The following MRNIP variants were observed in gnomAD, a reference collection of about 807,000 sequenced individuals.
The protein encoded by MRNIP is MRN complex-interacting protein.
MRNIP carries 30 observed loss-of-function variants against 29.8 expected under a neutral mutation model. That is an observed-to-expected ratio of 1.01 (90% CI 0.75 to 1.36). MRNIP has a LOEUF of 1.36. MRNIP is among the 40% of genes most tolerant of loss of function. The pLI, the probability that MRNIP is intolerant of heterozygous loss-of-function variation, is 0.00. For missense variants in MRNIP, 459 were observed against 423.5 expected (o/e 1.08, Z -0.74); for synonymous variants, 201 against 164.1 (o/e 1.23, Z -1.72).
Position 179,858,783 on chromosome 5 carries a change from T to C in MRNIP, c.14A>G (p.Gln5Arg), listed in dbSNP as rs986704207. Residue 5 changes from glutamine to arginine, a missense_variant, in exon 1 of 7, where the codon CAG becomes CGG. Coordinates refer to ENST00000292586, the MANE Select transcript of MRNIP (RefSeq NM_016175.4). ...GCAGCAGCGTAGCACCCGAGAACGC[T>C]GAAGCGACGCCATCCCTGCTTGTGC... is the stretch of plus-strand genomic sequence containing the variant. MASLQRSRVLRCCSC... is the reference protein window; with the variant it reads MASLRRSRVLRCCSC... 4 of 1,540,688 alleles carry C rather than the reference T, an allele frequency of 2.6e-6. No individual in the cohort carries two copies. Among genetic ancestry groups the C allele is most frequent in the Non-Finnish European group, 3.5e-6 (4 of 1,143,874 alleles).
chr5:179,843,668 A>G (rs1759007389), intron 4 of MRNIP, among the ~76,000 whole-genome samples: 1 of 152,150 alleles, frequency 6.6e-6, no homozygotes, highest in African/African-American at 2.4e-5. Flanking sequence ...TCAGCCCAGG[A>G]AGTCAAGGCT....
At position 179,842,043 on chromosome 5, in the gene MRNIP, T is replaced by C. The variant is rs1184409093; in HGVS notation, c.313A>G (p.Ser105Gly). The change falls in exon 5 of 7, where the codon AGT (serine) becomes GGT (glycine). Residue 105 changes from serine (S) to glycine (G), a missense_variant. By Grantham distance (56) the Ser-to-Gly change is moderately conservative. Transcript: ENST00000292586. Reference protein sequence around the residue: ...KQQEKSQPSESRWLKYLEKDS... With the variant: ...KQQEKSQPSEGRWLKYLEKDS... ...TTTTCTAGATACTTCAGCCAGCGAC[T>C]CTCTGAGGGCTGCGATTTTTCCTGC... 4 of 1,613,974 alleles carry C rather than the reference T, an allele frequency of 2.5e-6. No individual in the cohort carries two copies. The highest frequency in any genetic ancestry group is 2.2e-5 in the East Asian group (1 of 44,876).
Position 179,847,960 on chromosome 5 carries a change from C to A in MRNIP, c.215+18G>T. 1 of 1,563,898 alleles carries A rather than the reference C, an allele frequency of 6.4e-7. No homozygotes were observed. Among genetic ancestry groups the A allele is most frequent in the South Asian group, 1.1e-5 (1 of 89,448 alleles). ...GAAAACAGGGCAAGACAACCACGCT[C>A]TTCTCAAACAACTGTACCTGAGTGG... On this transcript the variant is annotated intron_variant, in intron 3 of 6. Coordinates refer to ENST00000292586, the MANE Select transcript of MRNIP (RefSeq NM_016175.4).
Position 179,842,050 on chromosome 5 carries a change from G to A in MRNIP, c.306C>T (p.Pro102=), listed in dbSNP as rs541650837. ...GNVKQQEKSQ[P]SESRWLKYLE... ...GATACTTCAGCCAGCGACTCTCTGA[G>A]GGCTGCGATTTTTCCTGCCAGATTG... is the stretch of plus-strand genomic sequence containing the variant. Residue 102 remains proline, a synonymous_variant, in exon 5 of 7, where the codon CCC becomes CCT. Coordinates refer to ENST00000292586, the MANE Select transcript of MRNIP (RefSeq NM_016175.4). 6.2e-7 allele frequency: 1 copy of A among 1,612,896 alleles called. No homozygotes were observed. The highest frequency in any genetic ancestry group is 1.1e-5 in the South Asian group (1 of 90,806).
intron 4 of MRNIP, among the ~76,000 whole-genome samples, chr5:179,842,408 C>T (rs572026581): frequency 6.1e-4 from 92 of 151,674 alleles, no homozygotes; most frequent in South Asian, 3.1e-3. Flanking sequence ...TAGCCGGGCG[C>T]GGTGGCTCAC....
chr5:179,857,234 G>T (rs921392394), intron 1 of MRNIP, among the ~76,000 whole-genome samples: 29 of 151,974 alleles, frequency 1.9e-4, no homozygotes, highest in African/African-American at 6.5e-4. Context: ...AGGCCGAGGC[G>T]GGCAGATCAC....
chr5:179,858,568 C>T (rs1291145649), intron 1 of MRNIP, among the ~76,000 whole-genome samples, 163 bp downstream of exon 1: 3 of 152,230 alleles, frequency 2.0e-5, no homozygotes, highest in African/African-American at 7.2e-5. Context: ...AAGCTCAGAA[C>T]GTTATGCGGG....
intron 6 of MRNIP, chr5:179,839,480 T>A (rs1414742856): frequency 6.6e-6 from 1 of 152,164 alleles, no homozygotes; most frequent in African/African-American, 2.4e-5. Flanking sequence ...TGAGGGAGCA[T>A]GAAACACAAT....
chr5:179,849,947 C>T lies in MRNIP; in HGVS notation c.127-1881G>A, dbSNP rs570779106. On this transcript the variant is annotated intron_variant, in intron 2 of 6. Coordinates refer to ENST00000292586, the MANE Select transcript of MRNIP (RefSeq NM_016175.4). ...CCCGCTATCGCACAGGCAGATGGTACGGGATGGAATTTGAGAGTACGGGTC... is the reference window on the plus strand; with the variant it reads ...CCCGCTATCGCACAGGCAGATGGTATGGGATGGAATTTGAGAGTACGGGTC... Among the ~76,000 whole-genome samples, 22 of 138,764 alleles carry T rather than the reference C, an allele frequency of 1.6e-4. No homozygotes were observed. In the South Asian group the frequency reaches 3.6e-3, roughly 23 times the overall value. The allele number at this position is 138,764 out of a possible 152,430, so 91.0% of individuals were successfully genotyped here.
At chr5:179,843,743 G>GAA (rs1051883889) in intron 4 of MRNIP, among the ~76,000 whole-genome samples, 26 of 149,312 alleles carry the variant, frequency 1.7e-4, no homozygotes, top group African/African-American at 2.3e-4. Flanking sequence ...TCGTTTCAGA[G>GAA]AAAAAAAACA....
intron 6 of MRNIP, 130 bp downstream of exon 6, chr5:179,840,742 G>C (rs2113539333): frequency 1.4e-6 from 1 of 732,684 alleles, no homozygotes; most frequent in South Asian, 1.6e-5. Flanking sequence ...GAAAAGACAA[G>C]AAACCCGGGT....
rs990134557 is a variant in MRNIP at position 179,840,662 on chromosome 5, C to T, written c.537+210G>A. ...ACAATGCTCTTTGGTCCTGAGTTAC[C>T]CTCATGGGAGACGAGAGGCATGGGA... On this transcript the variant is annotated intron_variant, in intron 6 of 6. Coordinates refer to ENST00000292586, the MANE Select transcript of MRNIP (RefSeq NM_016175.4). The T allele has an allele frequency of 1.8e-5, 11 of 603,538 alleles. No homozygotes were observed. The Admixed American group carries it at 2.8e-4, about 16-fold the overall frequency. The allele number at this position is 603,538 out of a possible 1,614,324, so 37.4% of individuals were successfully genotyped here. A position where few individuals can be genotyped will look rare whatever the true frequency, so the allele number is the denominator to read the frequency against.
intron 4 of MRNIP, among the ~76,000 whole-genome samples, chr5:179,842,675 G>A (rs1489664087): frequency 1.6e-5 from 2 of 125,328 alleles, no homozygotes; most frequent in South Asian, 5.4e-4. Flanking sequence ...ACTCCAGCCT[G>A]GGGGGCAGAG....
At chr5:179,851,892 G>A (rs1284356469) in intron 2 of MRNIP, among the ~76,000 whole-genome samples, 1 of 151,018 alleles carries the variant, frequency 6.6e-6, no homozygotes, top group Non-Finnish European at 1.5e-5. Context: ...GCAGGAGAAT[G>A]GCGTAAACCC....
intron 2 of MRNIP, chr5:179,851,041 C>T (rs1759346477): frequency 5.5e-6 from 2 of 363,478 alleles, no homozygotes; most frequent in South Asian, 2.0e-5. Flanking sequence ...CTTCCCAGGA[C>T]TGTTATGAGA....
intron 6 of MRNIP, 134 bp from the exon 7 acceptor site, chr5:179,838,019 G>C (rs1356087686): frequency 2.4e-6 from 2 of 823,206 alleles, no homozygotes; most frequent in African/African-American, 3.4e-5. Flanking sequence ...GGCTGGGACA[G>C]GCTTTGATTT....
At chr5:179,846,559 G>A (rs1759137781) in intron 3 of MRNIP, among the ~76,000 whole-genome samples, 1 of 152,086 alleles carries the variant, frequency 6.6e-6, no homozygotes, top group Admixed American at 6.6e-5. Flanking sequence ...GGGATTACAG[G>A]GGTGAGCCAC....
chr5:179,850,846 C>T (rs1227827911), intron 2 of MRNIP, among the ~76,000 whole-genome samples: 1 of 152,156 alleles, frequency 6.6e-6, no homozygotes, highest in African/African-American at 2.4e-5. Context: ...CTGTCACTTG[C>T]TTCCCAGCCT....
chr5:179,851,668 T>G (rs1414205950), intron 2 of MRNIP, among the ~76,000 whole-genome samples: 1 of 151,720 alleles, frequency 6.6e-6, no homozygotes, highest in Non-Finnish European at 1.5e-5. Flanking sequence ...TTCTGAAGTG[T>G]TTTTTTTCCC....
Sources: allele counts gnomAD v4.1 joint callset (sites outside exome capture counted in the v4.1 genomes callset), GRCh38; gene constraint gnomAD v4.1.1; transcripts MANE v1.5; gene names NCBI Gene and HGNC (gene_info 2026-07-23, HGNC 2026-07-21).